IMPACT: variants seen among roughly 807,000 people sequenced by gnomAD.
IMPACT encodes the protein impact RWD domain protein.
Under a neutral mutation model 47.5 loss-of-function variants are expected in IMPACT, and 35 were observed. The ratio of observed to expected loss-of-function variants is 0.74; its 90% CI spans 0.56 to 0.98. The LOEUF (loss-of-function observed/expected upper bound fraction) is 0.98. Among genes scored for constraint, IMPACT ranks in the 50% least tolerant of loss-of-function variants. The probability of loss-of-function intolerance (pLI) is 0.00; values close to 1 mark genes in which losing one functional copy is unlikely to be tolerated. For synonymous variants in IMPACT, 118 were observed against 125.6 expected (o/e 0.94, Z 0.40); for missense variants, 373 against 394.8 (o/e 0.94, Z 0.47).
At chr18:24,439,862 G>A (rs887364787) in intron 5 of IMPACT, among the ~76,000 whole-genome samples, 5 of 152,136 alleles carry the variant, frequency 3.3e-5, no homozygotes, top group Non-Finnish European at 5.9e-5. Context: ...AAGTTGACAT[G>A]TAAGATTAAC....
rs548513543 is a variant in IMPACT at position 24,427,548 on chromosome 18, G to T, written c.37-371G>T. ...ATAATGTGGGGCAGAGCTATTGGGG[G>T]TGGGAGTCAGGGGTGGAGATTACCT... On this transcript the variant is annotated intron_variant, in intron 1 of 10. Coordinates refer to ENST00000284202, the MANE Select transcript of IMPACT (RefSeq NM_018439.4). 2.6e-4 allele frequency: 46 copies of T among 176,432 alleles called. 1 individual carries two copies. Among genetic ancestry groups the T allele is most frequent in the African/African-American group, 9.8e-4 (41 of 41,890 alleles). The allele number at this position is 176,432 out of a possible 1,614,324, so 10.9% of individuals were successfully genotyped here. A position where few individuals can be genotyped will look rare whatever the true frequency, so the allele number is the denominator to read the frequency against.
Position 24,437,971 on chromosome 18 carries a change from A to T in IMPACT, c.298A>T (p.Ser100Cys). 2 of 1,557,366 alleles carry T rather than the reference A, an allele frequency of 1.3e-6. No homozygotes were observed. Among genetic ancestry groups the T allele is most frequent in the Non-Finnish European group, 1.8e-6 (2 of 1,142,456 alleles). Reference protein sequence around the residue: ...EEIYIQNIGESILYLWVEKIR... With the variant: ...EEIYIQNIGECILYLWVEKIR... ...TTTGTTTAGTCAGAATATCGGTGAA[A>T]GTATTCTTTACCTGTGGGTGGAGAA... Residue 100 changes from serine to cysteine, a missense_variant, in exon 5 of 11, where the codon AGT becomes TGT. By Grantham distance (112) the Ser-to-Cys change is moderately radical (BLOSUM62 -1). Transcript: ENST00000284202.
intron 6 of IMPACT, among the ~76,000 whole-genome samples, chr18:24,441,436 C>T (rs1020696033): frequency 1.3e-5 from 2 of 152,206 alleles, no homozygotes; most frequent in Admixed American, 1.3e-4. Flanking sequence ...ACCTCATCCT[C>T]CCAGAGTGCT....
chr18:24,428,491 T>G (rs1312307266), intron 2 of IMPACT, among the ~76,000 whole-genome samples: 1 of 152,214 alleles, frequency 6.6e-6, no homozygotes, highest in East Asian at 1.9e-4. Context: ...CAGCTATGGC[T>G]TTTCTTAGTG....
At chr18:24,432,617 C>T (rs892424385) in intron 4 of IMPACT, among the ~76,000 whole-genome samples, 1 of 152,062 alleles carries the variant, frequency 6.6e-6, no homozygotes, top group African/African-American at 2.4e-5. Flanking sequence ...GATATCTCTC[C>T]CTAACATTAC....
intron 5 of IMPACT, among the ~76,000 whole-genome samples, chr18:24,439,168 T>C (rs1267649411): frequency 1.3e-5 from 2 of 152,176 alleles, no homozygotes; most frequent in Non-Finnish European, 2.9e-5. Context: ...CAAATTCAAC[T>C]GACTTAATTG....
intron 7 of IMPACT, among the ~76,000 whole-genome samples, chr18:24,444,864 A>T (rs916591977): frequency 2.0e-5 from 3 of 152,200 alleles, no homozygotes; most frequent in African/African-American, 7.2e-5. Context: ...TGTATTTTGC[A>T]TATAGCCCTA....
At chr18:24,441,478 G>A (rs539065839) in intron 6 of IMPACT, among the ~76,000 whole-genome samples, 32 of 152,224 alleles carry the variant, frequency 2.1e-4, no homozygotes, top group African/African-American at 7.2e-4. Flanking sequence ...CACCACGCCC[G>A]GCCTAGTTTT....
At chr18:24,443,019 T>TA in intron 6 of IMPACT, 30 bp from the exon 7 acceptor site, 1 of 1,260,710 alleles carries the variant, frequency 7.9e-7, no homozygotes, top group Non-Finnish European at 1.1e-6. Flanking sequence ...TAAGGCTTTT[T>TA]AAAAAATAAA....
intron 4 of IMPACT, among the ~76,000 whole-genome samples, chr18:24,433,962 C>T (rs966493322): frequency 2.6e-5 from 4 of 152,210 alleles, no homozygotes; most frequent in African/African-American, 9.6e-5. Flanking sequence ...TGAGCCACCA[C>T]GCCTGGCCTT....
At chr18:24,441,051 AG>A (rs998243932) in intron 6 of IMPACT, among the ~76,000 whole-genome samples, 3 of 152,020 alleles carry the variant, frequency 2.0e-5, no homozygotes, top group Admixed American at 6.6e-5. Flanking sequence ...TGCCTTTAAG[AG>A]GTTTTTTTTG....
chr18:24,437,964 C>T lies in IMPACT; in HGVS notation c.291C>T (p.Ile97=), dbSNP rs552047808. ...CCTGAATTTTGTTTAGTCAGAATATCGGTGAAAGTATTCTTTACCTGTGGG... is the reference window on the plus strand; with the variant it reads ...CCTGAATTTTGTTTAGTCAGAATATTGGTGAAAGTATTCTTTACCTGTGGG... The part of the protein sequence containing the change: ...NSLEEIYIQN[I]GESILYLWVE... The change falls in exon 5 of 11, where the codon ATC becomes ATT. Residue 97 remains isoleucine, a synonymous_variant. Transcript: ENST00000284202. 7.2e-6 allele frequency: 11 copies of T among 1,530,784 alleles called. No individual in the cohort carries two copies. Among genetic ancestry groups the T allele is most frequent in the East Asian group, 4.6e-5 (2 of 43,624 alleles). 94.8% of individuals were successfully genotyped at this position (1,530,784 alleles called of 1,614,324 possible).
rs1909159745 is a variant in IMPACT, at chr18:24,443,093, AT to A, written c.537del (p.Thr180GlnfsTer20). ...ELPPIDHGIP[I>X]TDRRSTFQAH... ...ACCTCCGATTGATCATGGCATTCCT[AT>A]TACAGACCGAAGAAGTACTTTTCAG... On this transcript the variant is annotated frameshift_variant, in exon 7 of 11. Transcript: ENST00000284202. LOFTEE classifies it high-confidence loss of function. 2 of 1,608,116 alleles carry A rather than the reference AT, an allele frequency of 1.2e-6. No individual in the cohort carries two copies. Among genetic ancestry groups the A allele is most frequent in the Non-Finnish European group, 1.7e-6 (2 of 1,176,144 alleles).
chr18:24,435,404 G>A (rs1018492176), intron 4 of IMPACT: 5 of 152,144 alleles, frequency 3.3e-5, no homozygotes, highest in Non-Finnish European at 5.9e-5. Flanking sequence ...AGGATTACAA[G>A]TTTTTTATAG....
chr18:24,434,795 A>ATATATATATATATG lies in IMPACT; in HGVS notation c.282-3159_282-3158insATATATATATATGT, dbSNP rs1454429903. Among the ~76,000 whole-genome samples, 23 of 67,618 alleles carry ATATATATATATATG rather than the reference A, an allele frequency of 3.4e-4. 1 individual carries two copies. Among genetic ancestry groups the ATATATATATATATG allele is most frequent in the African/African-American group, 1.3e-3 (23 of 18,278 alleles). 44.4% of individuals were successfully genotyped at this position (67,618 alleles called of 152,430 possible). ...AAAAAAAATATATATATATATATAT[A>ATATATATATATATG]TGTGTGTGTGTGTGTATATATATGT... On this transcript the variant is annotated intron_variant, in intron 4 of 10. Transcript: ENST00000284202.
At chr18:24,440,446 C>G in intron 5 of IMPACT, 50 bp from the exon 6 acceptor site, 2 of 1,580,994 alleles carry the variant, frequency 1.3e-6, no homozygotes, top group Non-Finnish European at 1.7e-6. Flanking sequence ...TTTTAAAAAG[C>G]ATCGTTTCTT....
intron 7 of IMPACT, among the ~76,000 whole-genome samples, chr18:24,444,608 G>T (rs1909201869): frequency 6.6e-6 from 1 of 152,136 alleles, no homozygotes. Flanking sequence ...TATCATTCAT[G>T]ACACATCTTC....
intron 4 of IMPACT, among the ~76,000 whole-genome samples, chr18:24,433,665 A>ATTTT (rs34462493): frequency 3.3e-5 from 3 of 90,584 alleles, no homozygotes; most frequent in Non-Finnish European, 6.3e-5. Context: ...GTGTGACAGC[A>ATTTT]TTTTTTTTTT....
At position 24,443,102 on chromosome 18, in the gene IMPACT, C is replaced by G. The variant is rs751156720; in HGVS notation, c.544C>G (p.Arg182Gly). Residue 182 changes from arginine (R) to glycine (G), a missense_variant, in exon 7 of 11, where the codon CGA becomes GGA. By Grantham distance (125) the Arg-to-Gly change is moderately radical. Transcript: ENST00000284202. Reference protein sequence around the residue: ...PIDHGIPITDRRSTFQAHLAP... With the variant: ...PIDHGIPITDGRSTFQAHLAP... ...TGATCATGGCATTCCTATTACAGAC[C>G]GAAGAAGTACTTTTCAGGCACACTT... is the stretch of plus-strand genomic sequence containing the variant. 6 of 1,607,526 alleles carry G rather than the reference C, an allele frequency of 3.7e-6. No individual in the cohort carries two copies. Among genetic ancestry groups the G allele is most frequent in the Middle Eastern group, 3.3e-4 (2 of 6,064 alleles).
Sources: allele counts gnomAD v4.1 joint callset (sites outside exome capture counted in the v4.1 genomes callset), GRCh38; gene constraint gnomAD v4.1.1; transcripts MANE v1.5; gene names NCBI Gene and HGNC (gene_info 2026-07-23, HGNC 2026-07-21).